DIP2C: variants seen among roughly 807,000 people sequenced by gnomAD.
The protein encoded by DIP2C is disco-interacting protein 2 homolog C.
In DIP2C, 33 loss-of-function variants were observed where a neutral mutation model predicts 192.4. The ratio of observed to expected loss-of-function variants is 0.17; its 90% confidence interval spans 0.13 to 0.23. The LOEUF (loss-of-function observed/expected upper bound fraction) is 0.23. Ranked by LOEUF, DIP2C falls within the 10% of genes least tolerant of loss-of-function variation. The pLI, the probability that DIP2C is intolerant of heterozygous loss-of-function variation, is 1.00. For missense variants in DIP2C, 1,537 were observed against 2,110.1 expected, an observed-to-expected ratio of 0.73 and a Z score of 5.32; for synonymous variants, 979 against 864.1, an observed-to-expected ratio of 1.13 and a Z score of -2.33.
chr10:501,056 T>C (rs529005469), intron 1 of DIP2C, among the ~76,000 whole-genome samples: 2 of 152,316 alleles, frequency 1.3e-5, no homozygotes, highest in Admixed American at 6.5e-5. Context: ...TGTACACACA[T>C]TATGACTTTC....
intron 10 of DIP2C, 23 bp downstream of exon 10, chr10:399,086 C>T (rs751900038): frequency 5.5e-5 from 87 of 1,592,230 alleles, no homozygotes; most frequent in Admixed American, 4.7e-4. Flanking sequence ...AGCGAGAAAC[C>T]GAGCAAAGGG....
At chr10:687,051 A>G (rs1425404875) in intron 1 of DIP2C, among the ~76,000 whole-genome samples, 1 of 152,274 alleles carries the variant, frequency 6.6e-6, no homozygotes, top group African/African-American at 2.4e-5. Flanking sequence ...TTTTAATAAA[A>G]TGATGACAAC....
At chr10:599,296 G>A (rs562626964) in intron 1 of DIP2C, among the ~76,000 whole-genome samples, 20 of 152,220 alleles carry the variant, frequency 1.3e-4, no homozygotes, top group African/African-American at 3.6e-4. Context: ...TTAAATACCC[G>A]GCAAAAACAC....
At chr10:288,670 T>TG (rs1955295509) in intron 32 of DIP2C, among the ~76,000 whole-genome samples, 1 of 152,166 alleles carries the variant, frequency 6.6e-6, no homozygotes, top group Non-Finnish European at 1.5e-5. Context: ...AAAATGACTC[T>TG]GAGCTGAAAG....
intron 1 of DIP2C, among the ~76,000 whole-genome samples, chr10:496,013 C>T (rs563421799): frequency 5.4e-5 from 8 of 147,616 alleles, no homozygotes; most frequent in East Asian, 2.1e-4. Context: ...ATAGAACCCA[C>T]GGTGCCCTCC....
intron 1 of DIP2C, among the ~76,000 whole-genome samples, chr10:495,058 A>T (rs915360515): frequency 9.2e-5 from 14 of 152,232 alleles, no homozygotes; most frequent in Non-Finnish European, 2.9e-5. Context: ...TAACGAACTA[A>T]ATTCTGCCAC....
At chr10:544,985 G>C (rs816645) in intron 1 of DIP2C, among the ~76,000 whole-genome samples, 3,445 of 151,904 alleles carry the variant, frequency 0.023, 133 homozygotes, top group African/African-American at 0.079. Context: ...TTAATTCAAC[G>C]TAACAGTTTC....
intron 1 of DIP2C, among the ~76,000 whole-genome samples, chr10:557,695 T>A (rs1336426767): frequency 6.3e-5 from 1 of 15,884 alleles, no homozygotes; most frequent in African/African-American, 3.2e-4. Flanking sequence ...GGGGTGGGGG[T>A]GGGGGCGGGG....
intron 1 of DIP2C, among the ~76,000 whole-genome samples, chr10:497,331 G>A (rs1844906138): frequency 6.6e-6 from 1 of 152,162 alleles, no homozygotes; most frequent in South Asian, 2.1e-4. Context: ...GAATATGGAA[G>A]GCCAACTCTG....
chr10:378,390 T>G (rs1394848919), intron 17 of DIP2C, among the ~76,000 whole-genome samples: 2 of 151,950 alleles, frequency 1.3e-5, no homozygotes, highest in Non-Finnish European at 1.5e-5. Context: ...AAAACAGGCA[T>G]ACACAGGTGA....
chr10:392,273 G>A (rs757994736), intron 10 of DIP2C, among the ~76,000 whole-genome samples: 4 of 152,200 alleles, frequency 2.6e-5, no homozygotes, highest in East Asian at 3.9e-4. Context: ...GTGCCGGGCC[G>A]AGGCAGGAGA....
At chr10:679,698 T>C (rs1831060513) in intron 1 of DIP2C, among the ~76,000 whole-genome samples, 1 of 138,944 alleles carries the variant, frequency 7.2e-6, no homozygotes, top group East Asian at 2.1e-4. Context: ...ATATCTGTGC[T>C]CCCCATGCCC....
intron 1 of DIP2C, among the ~76,000 whole-genome samples, chr10:581,304 A>C (rs1850641676): frequency 6.6e-6 from 1 of 152,230 alleles, no homozygotes; most frequent in Admixed American, 6.5e-5. Flanking sequence ...CCAACTTTCT[A>C]AATGAGAGAT....
intron 1 of DIP2C, among the ~76,000 whole-genome samples, chr10:573,018 T>C (rs1849922133): frequency 6.6e-6 from 1 of 151,980 alleles, no homozygotes; most frequent in Non-Finnish European, 1.5e-5. Flanking sequence ...AAACATGTTT[T>C]CAGCAAATAG....
chr10:320,523 A>AT (rs1190946382), intron 31 of DIP2C, among the ~76,000 whole-genome samples: 1 of 152,054 alleles, frequency 6.6e-6, no homozygotes, highest in Non-Finnish European at 1.5e-5. Context: ...AAAAAAAAAA[A>AT]AATCAAGTAT....
chr10:400,759 T>A (rs1564663986), intron 9 of DIP2C, among the ~76,000 whole-genome samples: 1 of 150,844 alleles, frequency 6.6e-6, no homozygotes, highest in Non-Finnish European at 1.5e-5. Flanking sequence ...ATGGACAAGT[T>A]TGGTAATCCT....
intron 2 of DIP2C, among the ~76,000 whole-genome samples, chr10:479,716 T>A (rs1843445533): frequency 6.6e-6 from 1 of 152,144 alleles, no homozygotes. Context: ...GCAACCCTTT[T>A]CCTATTATAA....
chr10:420,661 T>C (rs1966122627), intron 5 of DIP2C, among the ~76,000 whole-genome samples: 1 of 152,244 alleles, frequency 6.6e-6, no homozygotes, highest in South Asian at 2.1e-4. Flanking sequence ...TTATGCCAAA[T>C]TGGCTTGACT....
intron 3 of DIP2C, among the ~76,000 whole-genome samples, chr10:466,209 G>A (rs532096325): frequency 6.6e-6 from 1 of 151,984 alleles, no homozygotes; most frequent in Non-Finnish European, 1.5e-5. Context: ...CAATGGAACA[G>A]AACAGAGCCT....
Sources: allele counts gnomAD v4.1 joint callset (sites outside exome capture counted in the v4.1 genomes callset), GRCh38; gene constraint gnomAD v4.1.1; transcripts MANE v1.5; gene names NCBI Gene and HGNC (gene_info 2026-07-23, HGNC 2026-07-21).